Variants in PLAC9 observed in about 807,000 individuals in gnomAD.
The protein encoded by PLAC9 is placenta associated 9.
PLAC9 carries 12 observed loss-of-function variants against 11.5 expected under a neutral mutation model. The ratio of observed to expected loss-of-function variants is 1.05; its 90% CI spans 0.67 to 1.69. PLAC9 has a LOEUF of 1.69. Among genes scored for constraint, PLAC9 ranks in the 40% most tolerant of loss-of-function variants. The pLI, the probability that PLAC9 is intolerant of heterozygous loss-of-function variation, is 0.00. For synonymous variants in PLAC9, 62 were observed against 58.1 expected (o/e 1.07, Z -0.31); for missense variants, 132 against 130.5 (o/e 1.01, Z -0.06).
At chr10:80,141,781 T>C (rs1280015066) in intron 1 of PLAC9, among the ~76,000 whole-genome samples, 1 of 152,140 alleles carries the variant, frequency 6.6e-6, no homozygotes, top group Non-Finnish European at 1.5e-5. Flanking sequence ...CAGTGAGCCC[T>C]GCTCTTTCAG....
At position 80,140,114 on chromosome 10, in the gene PLAC9, C is replaced by A. The variant is rs193020394; in HGVS notation, c.65-1968C>A. Among the ~76,000 whole-genome samples the A allele has an allele frequency of 5.6e-4, 85 of 152,224 alleles. 1 individual carries two copies. The highest frequency in any genetic ancestry group is 1.7e-3 in the South Asian group (8 of 4,812). On this transcript the variant is annotated intron_variant, in intron 1 of 3. Transcript: ENST00000372263. The stretch of plus-strand genomic sequence containing the variant: ...CTTCCTTCGAGATGTGGTCCCACCC[C>A]CTCTGGATCCAGGGCCTCCCATCAG...
chr10:80,143,050 A>T (rs1260936315), intron 2 of PLAC9, among the ~76,000 whole-genome samples: 1 of 149,904 alleles, frequency 6.7e-6, no homozygotes, highest in African/African-American at 2.5e-5. Flanking sequence ...AAAAATTTAA[A>T]TTTTTTTTTG....
At position 80,145,200 on chromosome 10, in the gene PLAC9, C is replaced by G; in HGVS notation, c.*290C>G. Reference sequence around the variant, plus strand: ...GGGGTTGATTCACACAGATGGGGGCCCTTTGAGTGGCCTTGCTTCTCAAAA... The same window carrying G: ...GGGGTTGATTCACACAGATGGGGGCGCTTTGAGTGGCCTTGCTTCTCAAAA... On this transcript the variant is annotated 3_prime_UTR_variant, in exon 4 of 4. Transcript: ENST00000372263. 5.4e-6 allele frequency: 3 copies of G among 556,232 alleles called. No homozygotes were observed. Among genetic ancestry groups the G allele is most frequent in the Non-Finnish European group, 9.5e-6 (3 of 317,114 alleles). 34.5% of individuals were successfully genotyped at this position (556,232 alleles called of 1,614,324 possible). A position where few individuals can be genotyped will look rare whatever the true frequency, so the allele number is the denominator to read the frequency against.
chr10:80,140,020 G>C (rs1845021563), intron 1 of PLAC9, among the ~76,000 whole-genome samples: 1 of 152,136 alleles, frequency 6.6e-6, no homozygotes, highest in Non-Finnish European at 1.5e-5. Context: ...TCAGGTGGGA[G>C]CTCACTCCAC....
At chr10:80,136,410 C>T (rs1241056923) in intron 1 of PLAC9, among the ~76,000 whole-genome samples, 3 of 152,176 alleles carry the variant, frequency 2.0e-5, no homozygotes, top group African/African-American at 7.2e-5. Flanking sequence ...GTCTTTTCCA[C>T]TCCCCTTGTC....
rs113845962 is a variant in PLAC9 at position 80,139,241 on chromosome 10, C to T, written c.65-2841C>T. 4.9e-3 allele frequency among the ~76,000 whole-genome samples: 749 copies of T among 152,244 alleles called. 8 individuals carry two copies. Among genetic ancestry groups the T allele is most frequent in the African/African-American group, 0.017 (703 of 41,560 alleles). On this transcript the variant is annotated intron_variant, in intron 1 of 3. Coordinates refer to ENST00000372263, the MANE Select transcript of PLAC9 (RefSeq NM_001012973.3). Reference sequence around the variant, plus strand: ...TGCTGGGATTACAGGCGTGAGCCACCGCGCCTGGCTAAAATTGCAACATTC... The same window carrying T: ...TGCTGGGATTACAGGCGTGAGCCACTGCGCCTGGCTAAAATTGCAACATTC...
chr10:80,134,213 G>T (rs1054838215), intron 1 of PLAC9, among the ~76,000 whole-genome samples: 17 of 150,742 alleles, frequency 1.1e-4, no homozygotes, highest in Non-Finnish European at 1.5e-4. Context: ...CCCCTCCCTG[G>T]ATTATTTTAA....
chr10:80,133,942 TC>T (rs1033855822), intron 1 of PLAC9, among the ~76,000 whole-genome samples: 2 of 51,068 alleles, frequency 3.9e-5, no homozygotes, highest in African/African-American at 8.8e-5. Flanking sequence ...AGACTCAGTT[TC>T]AAAAAAAAAA....
At chr10:80,133,288 A>G (rs1435611140) in intron 1 of PLAC9, among the ~76,000 whole-genome samples, 1 of 152,220 alleles carries the variant, frequency 6.6e-6, no homozygotes, top group Admixed American at 6.5e-5. Context: ...CTGGCAAGAG[A>G]GAAGGAGCCA....
chr10:80,145,037 G>C lies in PLAC9; in HGVS notation c.*127G>C. The C allele has an allele frequency of 8.1e-7, 1 of 1,233,628 alleles. No individual in the cohort carries two copies. The highest frequency in any genetic ancestry group is 1.2e-6 in the Non-Finnish European group (1 of 859,894). The allele number at this position is 1,233,628 out of a possible 1,614,324, so 76.4% of individuals were successfully genotyped here. On this transcript the variant is annotated 3_prime_UTR_variant, in exon 4 of 4. Coordinates refer to ENST00000372263, the MANE Select transcript of PLAC9 (RefSeq NM_001012973.3). The stretch of plus-strand genomic sequence containing the variant: ...AATAAAAGCTATTCTGGTCTCCTCT[G>C]TGTCTGCTGACAGAGTAACCCGTTT...
rs371979401 is a variant in PLAC9, at chr10:80,135,892, A to G, written c.64+3066A>G. Reference sequence around the variant, plus strand: ...ATGTGGTCAAATATAATTAACCCCCAAGTGGCCAGGGTTGCTTTTCAAAGC... The same window carrying G: ...ATGTGGTCAAATATAATTAACCCCCGAGTGGCCAGGGTTGCTTTTCAAAGC... On this transcript the variant is annotated intron_variant, in intron 1 of 3. Coordinates refer to ENST00000372263, the MANE Select transcript of PLAC9 (RefSeq NM_001012973.3). 1.5e-4 allele frequency among the ~76,000 whole-genome samples: 23 copies of G among 152,260 alleles called. No homozygotes were observed. In the East Asian group the frequency reaches 2.1e-3, roughly 14 times the overall value.
intron 1 of PLAC9, 24 bp downstream of exon 1, chr10:80,132,850 A>C (rs1203617617): frequency 2.7e-6 from 4 of 1,481,594 alleles, no homozygotes; most frequent in Non-Finnish European, 3.6e-6. Flanking sequence ...AGGGCGCGGC[A>C]GGGGACCTGG....
intron 1 of PLAC9, among the ~76,000 whole-genome samples, chr10:80,135,796 A>G (rs975082303): frequency 2.0e-5 from 3 of 152,134 alleles, no homozygotes; most frequent in African/African-American, 4.8e-5. Context: ...AAACCCGTGG[A>G]TGGTTTTGAG....
intron 1 of PLAC9, among the ~76,000 whole-genome samples, chr10:80,133,957 AAAG>A (rs1309094406): frequency 1.3e-4 from 19 of 151,738 alleles, no homozygotes; most frequent in Admixed American, 5.9e-4. Context: ...AAAAAAAAAA[AAAG>A]AAGAAGGAAA....
At chr10:80,135,010 G>GTTTATTTATTTATTTATTTA (rs148037377) in intron 1 of PLAC9, among the ~76,000 whole-genome samples, 6 of 118,328 alleles carry the variant, frequency 5.1e-5, no homozygotes, top group Admixed American at 8.0e-5. Context: ...TGGTTTGTTT[G>GTTTATTTATTTATTTATTTA]TTTGTTTATT....
At chr10:80,136,656 TTTTATTTA>T (rs138774775) in intron 1 of PLAC9, among the ~76,000 whole-genome samples, 2,790 of 146,494 alleles carry the variant, frequency 0.019, 49 homozygotes, top group African/African-American at 0.041. Context: ...TTAATTTTTA[TTTTATTTA>T]TTTATTTATT....
intron 1 of PLAC9, among the ~76,000 whole-genome samples, chr10:80,137,086 T>C (rs1844987882): frequency 6.6e-6 from 1 of 152,204 alleles, no homozygotes; most frequent in Non-Finnish European, 1.5e-5. Context: ...CAGGCCCTGC[T>C]CCAAGCTTGC....
intron 1 of PLAC9, among the ~76,000 whole-genome samples, chr10:80,135,966 C>T (rs1844970797): frequency 6.6e-6 from 1 of 152,156 alleles, no homozygotes; most frequent in Non-Finnish European, 1.5e-5. Flanking sequence ...CTTTCAGATG[C>T]CACTGAGAAA....
chr10:80,134,261 CTTTCTT>C (rs1232613307), intron 1 of PLAC9, among the ~76,000 whole-genome samples: 2 of 140,920 alleles, frequency 1.4e-5, no homozygotes, highest in African/African-American at 2.6e-5. Context: ...TTCTTTCTTT[CTTTCTT>C]TTTTTTTTTT....
Sources: allele counts gnomAD v4.1 joint callset (sites outside exome capture counted in the v4.1 genomes callset), GRCh38; gene constraint gnomAD v4.1.1; transcripts MANE v1.5; gene names NCBI Gene and HGNC (gene_info 2026-07-23, HGNC 2026-07-21).